Variants in RAPGEF5 observed in about 807,000 individuals in gnomAD.
RAPGEF5 encodes the protein Rap guanine nucleotide exchange factor 5, also known as M-Ras-regulated GEF.
In RAPGEF5, 65 loss-of-function variants were observed where a neutral mutation model predicts 125.2. The observed-to-expected ratio is 0.52, with a 90% CI of 0.43 to 0.64. The LOEUF (loss-of-function observed/expected upper bound fraction) is 0.64. Ranked by LOEUF, RAPGEF5 falls within the 30% of genes least tolerant of loss-of-function variation. RAPGEF5 has a pLI of 0.00. For synonymous variants in RAPGEF5, 391 were observed against 385.9 expected (o/e 1.01, Z -0.16); for missense variants, 958 against 1,048.1 (o/e 0.91, Z 1.19).
intron 1 of RAPGEF5, among the ~76,000 whole-genome samples, chr7:22,349,128 C>T (rs1177140405): frequency 1.3e-5 from 2 of 150,192 alleles, no homozygotes; most frequent in African/African-American, 4.9e-5. Context: ...CCCAGTGTTC[C>T]ACAGATCAGT....
At chr7:22,331,757 A>AAG (rs1479285319) in intron 1 of RAPGEF5, among the ~76,000 whole-genome samples, 6 of 151,466 alleles carry the variant, frequency 4.0e-5, no homozygotes, top group Non-Finnish European at 5.9e-5. Context: ...AAAAAAAAAA[A>AAG]AAAAGAAAAA....
intron 6 of RAPGEF5, among the ~76,000 whole-genome samples, chr7:22,280,246 G>A (rs187898238): frequency 6.6e-6 from 1 of 152,308 alleles, no homozygotes; most frequent in East Asian, 1.9e-4. Context: ...AGGCCGGATT[G>A]TAACTGTAGC....
At chr7:22,190,039 T>C (rs1278429234) in intron 11 of RAPGEF5, among the ~76,000 whole-genome samples, 4 of 152,132 alleles carry the variant, frequency 2.6e-5, no homozygotes, top group East Asian at 1.9e-4. Flanking sequence ...CCCAGCACTT[T>C]AGGAGGCCGA....
intron 24 of RAPGEF5, among the ~76,000 whole-genome samples, chr7:22,127,466 AGCATATAC>A (rs1335626325): frequency 6.6e-6 from 1 of 152,226 alleles, no homozygotes; most frequent in African/African-American, 2.4e-5. Flanking sequence ...GCATTTTGGA[AGCATATAC>A]GTATATGCCA....
intron 8 of RAPGEF5, among the ~76,000 whole-genome samples, chr7:22,230,261 C>T (rs1786024881): frequency 6.6e-6 from 1 of 152,166 alleles, no homozygotes; most frequent in African/African-American, 2.4e-5. Context: ...TTTATTAAAA[C>T]ATTACTGTCC....
chr7:22,221,872 T>C (rs1328954725), intron 8 of RAPGEF5, among the ~76,000 whole-genome samples: 1 of 152,198 alleles, frequency 6.6e-6, no homozygotes, highest in African/African-American at 2.4e-5. Context: ...TTTTATTCAT[T>C]CATTCACTCA....
At chr7:22,342,983 G>T (rs1168503651) in intron 1 of RAPGEF5, among the ~76,000 whole-genome samples, 1 of 152,068 alleles carries the variant, frequency 6.6e-6, no homozygotes, top group Admixed American at 6.6e-5. Flanking sequence ...TTTCAGTAGT[G>T]CCCCCACTCT....
At position 22,215,753 on chromosome 7, in the gene RAPGEF5, G is replaced by A. The variant is rs566472516; in HGVS notation, c.996+4113C>T. Among the ~76,000 whole-genome samples the A allele has an allele frequency of 5.9e-5, 9 of 152,268 alleles. No individual in the cohort carries two copies. The South Asian group carries it at 1.5e-3, about 25-fold the overall frequency. On this transcript the variant is annotated intron_variant, in intron 9 of 25. Coordinates refer to ENST00000665637, the MANE Select transcript of RAPGEF5 (RefSeq NM_012294.5). Reference sequence around the variant, plus strand: ...TGCCAAAGCTCTGGCCAAATATGTCGGTTTATTTGGGAGCTACCAGAGATT... The same window carrying A: ...TGCCAAAGCTCTGGCCAAATATGTCAGTTTATTTGGGAGCTACCAGAGATT...
intron 11 of RAPGEF5, among the ~76,000 whole-genome samples, chr7:22,168,153 C>T (rs1364816975): frequency 6.6e-6 from 1 of 152,086 alleles, no homozygotes; most frequent in Non-Finnish European, 1.5e-5. Flanking sequence ...ACCCCTGCCA[C>T]TTTATATGTT....
rs894896983 is a variant in RAPGEF5 at position 22,219,666 on chromosome 7, C to G, written c.996+200G>C. On this transcript the variant is annotated intron_variant, in intron 9 of 25. Transcript: ENST00000665637. Reference sequence around the variant, plus strand: ...CATAATTTACTTTTGAGAAGAGTCTCTTATAAATCCTGTGTCATAAGCCAC... The same window carrying G: ...CATAATTTACTTTTGAGAAGAGTCTGTTATAAATCCTGTGTCATAAGCCAC... Among the ~76,000 whole-genome samples, 2 of 151,962 alleles carry G rather than the reference C, an allele frequency of 1.3e-5. 1 individual carries two copies. Among genetic ancestry groups the G allele is most frequent in the African/African-American group, 4.8e-5 (2 of 41,348 alleles).
rs1245035410 is a variant in RAPGEF5 at position 22,230,913 on chromosome 7, T to A, written c.803A>T (p.Glu268Val). 1 of 1,558,596 alleles carries A rather than the reference T, an allele frequency of 6.4e-7. No homozygotes were observed. Among genetic ancestry groups the A allele is most frequent in the South Asian group, 1.2e-5 (1 of 84,704 alleles). Residue 268 changes from glutamate to valine, a missense_variant, in exon 8 of 26, where the codon GAA becomes GTA. Transcript: ENST00000665637. ...IALKARKSAIEQDEENNDKHV... is the reference protein window; with the variant it reads ...IALKARKSAIVQDEENNDKHV... ...TTTGTCGTTGTTTTCTTCATCTTGT[T>A]CAATTGCTTAAAAAAAAGAACACCA... is the stretch of plus-strand genomic sequence containing the variant.
intron 14 of RAPGEF5, 118 bp from the exon 15 acceptor site, chr7:22,158,003 A>T (rs1412616902): frequency 1.1e-6 from 1 of 889,020 alleles, no homozygotes; most frequent in African/African-American, 1.7e-5. Flanking sequence ...TAAAAAAAAT[A>T]AAACACAGTA....
At chr7:22,291,362 A>G in intron 5 of RAPGEF5, 121 bp from the exon 6 acceptor site, 1 of 1,400,776 alleles carries the variant, frequency 7.1e-7, no homozygotes, top group Non-Finnish European at 9.3e-7. Flanking sequence ...AGTACTCATG[A>G]AAATAACAAA....
intron 8 of RAPGEF5, among the ~76,000 whole-genome samples, chr7:22,226,184 C>A (rs1785914385): frequency 6.6e-6 from 1 of 152,162 alleles, no homozygotes; most frequent in Non-Finnish European, 1.5e-5. Flanking sequence ...AAAGAGTCCA[C>A]CTTTCATGAA....
At chr7:22,150,362 C>T in intron 18 of RAPGEF5, 45 bp downstream of exon 18, 1 of 1,573,692 alleles carries the variant, frequency 6.4e-7, no homozygotes, top group Non-Finnish European at 8.6e-7. Context: ...TATGAGCCAC[C>T]TCGCCTGGCC....
At chr7:22,239,542 G>A (rs1786271726) in intron 7 of RAPGEF5, among the ~76,000 whole-genome samples, 1 of 151,824 alleles carries the variant, frequency 6.6e-6, no homozygotes, top group African/African-American at 2.4e-5. Flanking sequence ...AGTTCTGGGT[G>A]GCCTCGCTCC....
intron 9 of RAPGEF5, among the ~76,000 whole-genome samples, chr7:22,206,608 T>G (rs1785402262): frequency 6.9e-6 from 1 of 145,158 alleles, no homozygotes. Flanking sequence ...GAGGCTGAGG[T>G]GGGAGGATTG....
intron 1 of RAPGEF5, among the ~76,000 whole-genome samples, chr7:22,323,840 A>C (rs1783761817): frequency 6.6e-6 from 1 of 152,236 alleles, no homozygotes; most frequent in Non-Finnish European, 1.5e-5. Flanking sequence ...TAAATAAATG[A>C]GGATCAGGAA....
At chr7:22,170,383 G>GT (rs1212992998) in intron 11 of RAPGEF5, among the ~76,000 whole-genome samples, 4 of 152,180 alleles carry the variant, frequency 2.6e-5, no homozygotes, top group Non-Finnish European at 5.9e-5. Flanking sequence ...CTAGTTTAGG[G>GT]TTTTCAATGG....
Sources: gnomAD v4.1 joint callset for allele counts (sites outside exome capture counted in the v4.1 genomes callset) on GRCh38, gnomAD v4.1.1 for gene constraint, MANE v1.5 for transcripts, NCBI Gene and HGNC (gene_info 2026-07-23, HGNC 2026-07-21) for gene names.